SP3: variants seen among roughly 807,000 people sequenced by gnomAD.
The protein encoded by SP3 is Sp3 transcription factor, also known as transcription factor Sp3.
A neutral mutation model predicts 70.3 loss-of-function variants in SP3; 10 were observed. The observed-to-expected ratio is 0.14, with a 90% CI of 0.09 to 0.24. The LOEUF is 0.24. Ranked by LOEUF, SP3 falls within the 10% of genes least tolerant of loss-of-function variation. SP3 has a pLI of 1.00. For synonymous variants in SP3, 402 were observed against 333.5 expected (o/e 1.21, Z -2.24); for missense variants, 825 against 914.6 (o/e 0.90, Z 1.26).
At position 173,913,215 on chromosome 2, in the gene SP3, A is replaced by G; in HGVS notation, c.1884T>C (p.Cys628=). Residue 628 remains cysteine, a synonymous_variant, in exon 6 of 7, where the codon TGT becomes TGC. Transcript: ENST00000310015. ...GTGAGGTCTTCCCATAGACTTTACC[A>G]CATCCTGGTATATGACAAATGTGTT... ...KKQHICHIPG[C]GKVYGKTSHL... The G allele has an allele frequency of 6.2e-7, 1 of 1,610,530 alleles. No individual in the cohort carries two copies. The highest frequency in any genetic ancestry group is 8.5e-7 in the Non-Finnish European group (1 of 1,178,036).
chr2:173,944,716 T>C (rs1690482750), intron 4 of SP3, among the ~76,000 whole-genome samples: 1 of 152,242 alleles, frequency 6.6e-6, no homozygotes, highest in Admixed American at 6.5e-5. Context: ...GAATCCTTAT[T>C]TGCATTATTG....
At chr2:173,962,809 G>A (rs1339358947) in intron 3 of SP3, among the ~76,000 whole-genome samples, 6 of 150,932 alleles carry the variant, frequency 4.0e-5, no homozygotes, top group African/African-American at 1.2e-4. Flanking sequence ...TTTAATAGGT[G>A]AACAAATCTA....
At position 173,907,168 on chromosome 2, in the gene SP3, G is replaced by T. The variant is rs912223387; in HGVS notation, c.*2773C>A. ...ATACTTTCTTAAATTAAAATTTGAG[G>T]TATACAGATAATCGCGTCCACTAAA... On this transcript the variant is annotated 3_prime_UTR_variant, in exon 7 of 7. Transcript: ENST00000310015. The T allele has an allele frequency of 6.6e-6, 1 of 152,026 alleles. No individual in the cohort carries two copies. The highest frequency in any genetic ancestry group is 1.5e-5 in the Non-Finnish European group (1 of 67,994). The allele number at this position is 152,026 out of a possible 1,614,324, so 9.4% of individuals were successfully genotyped here. A position where few individuals can be genotyped will look rare whatever the true frequency, so the allele number is the denominator to read the frequency against.
At position 173,902,809 on chromosome 2, in the gene SP3, T is replaced by C. The variant is rs1689214396; in HGVS notation, c.*7132A>G. Among the ~76,000 whole-genome samples, 1 of 152,168 alleles carries C rather than the reference T, an allele frequency of 6.6e-6. No individual in the cohort carries two copies. The highest frequency in any genetic ancestry group is 2.1e-4 in the South Asian group (1 of 4,830). On this transcript the variant is annotated 3_prime_UTR_variant, in exon 7 of 7. Transcript: ENST00000310015. The stretch of plus-strand genomic sequence containing the variant: ...GGATATAAAACCACTCATGGTATCA[T>C]TCTGATAAACATCAAATTCAGAGCT...
At chr2:173,929,690 C>G (rs1690018336) in intron 4 of SP3, among the ~76,000 whole-genome samples, 1 of 152,172 alleles carries the variant, frequency 6.6e-6, no homozygotes, top group Admixed American at 6.5e-5. Context: ...CTCTGTGCCT[C>G]TAGGTTCTGC....
intron 4 of SP3, among the ~76,000 whole-genome samples, chr2:173,947,146 C>T (rs950035279): frequency 1.3e-5 from 2 of 152,170 alleles, no homozygotes; most frequent in Non-Finnish European, 2.9e-5. Flanking sequence ...TACTTATCAA[C>T]ATACTTGAAA....
chr2:173,955,244 C>G lies in SP3; in HGVS notation c.1268G>C (p.Gly423Ala). The change falls in exon 4 of 7, where the codon GGT (glycine) becomes GCT (alanine). Residue 423 changes from glycine to alanine, a missense_variant. By Grantham distance (60) the Gly-to-Ala change is moderately conservative (BLOSUM62 0). Coordinates refer to ENST00000310015, the MANE Select transcript of SP3 (RefSeq NM_003111.5). Reference sequence around the variant, plus strand: ...TATATTTTGACCACTGGCTTGCACACCATGGATTGTCTGTGGTGTAATACC... The same window carrying G: ...TATATTTTGACCACTGGCTTGCACAGCATGGATTGTCTGTGGTGTAATACC... ...VQGITPQTIH[G>A]VQASGQNISQ... 1 of 1,614,140 alleles carries G rather than the reference C, an allele frequency of 6.2e-7. No homozygotes were observed. Among genetic ancestry groups the G allele is most frequent in the Non-Finnish European group, 8.5e-7 (1 of 1,180,036 alleles).
chr2:173,912,504 C>A (rs1212785501), intron 6 of SP3, among the ~76,000 whole-genome samples: 1 of 152,212 alleles, frequency 6.6e-6, no homozygotes, highest in Non-Finnish European at 1.5e-5. Flanking sequence ...TAAGTTAACA[C>A]TGTTAGGTTT....
chr2:173,946,598 T>C (rs2105488618), intron 4 of SP3, among the ~76,000 whole-genome samples: 1 of 152,274 alleles, frequency 6.6e-6, no homozygotes, highest in Admixed American at 6.5e-5. Flanking sequence ...TTCACTAAAC[T>C]CTGAATCTTG....
Position 173,905,163 on chromosome 2 carries a change from ACTT to A in SP3, c.*4775_*4777del, listed in dbSNP as rs1387718690. ...TTCACATTTTTGCATTAGAAATAAGACTTCTTCTCATTTTGGAAAAATCAATGT... is the reference window on the plus strand; with the variant it reads ...TTCACATTTTTGCATTAGAAATAAGACTTCTCATTTTGGAAAAATCAATGT... On this transcript the variant is annotated 3_prime_UTR_variant, in exon 7 of 7. Transcript: ENST00000310015. Among the ~76,000 whole-genome samples the A allele has an allele frequency of 3.3e-5, 5 of 152,196 alleles. No individual in the cohort carries two copies. The highest frequency in any genetic ancestry group is 7.2e-5 in the African/African-American group (3 of 41,438).
chr2:173,965,454 C>T (rs1691264913), upstream of SP3: 1 of 408,800 alleles, frequency 2.4e-6, no homozygotes, highest in Non-Finnish European at 4.4e-6. Context: ...TTGGTCCAGG[C>T]GCCTGTCCGT....
intron 3 of SP3, among the ~76,000 whole-genome samples, chr2:173,960,077 G>A (rs1320611562): frequency 6.6e-6 from 1 of 152,196 alleles, no homozygotes; most frequent in African/African-American, 2.4e-5. Flanking sequence ...GGCTGAGGTG[G>A]GAGGATCAAC....
chr2:173,916,370 G>C (rs1197178404), intron 5 of SP3: 2 of 151,984 alleles, frequency 1.3e-5, no homozygotes, highest in East Asian at 3.8e-4. Context: ...TAAAATGTTT[G>C]CAAGGTGTAA....
intron 4 of SP3, among the ~76,000 whole-genome samples, chr2:173,937,036 A>T (rs1404752638): frequency 6.6e-6 from 1 of 152,190 alleles, no homozygotes. Context: ...TACTCCATGT[A>T]TCTATCTTAA....
At chr2:173,941,048 C>T (rs1165840547) in intron 4 of SP3, among the ~76,000 whole-genome samples, 1 of 149,672 alleles carries the variant, frequency 6.7e-6, no homozygotes, top group Non-Finnish European at 1.5e-5. Context: ...TAATTTGTGG[C>T]GAGATTCTTA....
chr2:173,965,388 T>G (rs1691262868), upstream of SP3: 8 of 576,218 alleles, frequency 1.4e-5, no homozygotes, highest in Admixed American at 9.8e-5. Flanking sequence ...CGCCCGGAAC[T>G]CCCGCCCCTC....
chr2:173,945,245 T>C (rs1049216463), intron 4 of SP3, among the ~76,000 whole-genome samples: 3 of 152,198 alleles, frequency 2.0e-5, no homozygotes, highest in Non-Finnish European at 4.4e-5. Flanking sequence ...CAATGCATTT[T>C]AGATCTTCTA....
chr2:173,921,446 T>A (rs1479194653), intron 4 of SP3, among the ~76,000 whole-genome samples: 1 of 152,184 alleles, frequency 6.6e-6, no homozygotes, highest in Non-Finnish European at 1.5e-5. Context: ...ATCAGCACTT[T>A]GGGAGACCGA....
At chr2:173,956,964 T>C (rs554447652) in intron 3 of SP3, among the ~76,000 whole-genome samples, 166 of 152,210 alleles carry the variant, frequency 1.1e-3, no homozygotes, top group African/African-American at 3.8e-3. Flanking sequence ...TTAATACAAT[T>C]TGAGGGAGAG....
Sources: allele counts gnomAD v4.1 joint callset (sites outside exome capture counted in the v4.1 genomes callset), GRCh38; gene constraint gnomAD v4.1.1; transcripts MANE v1.5; gene names NCBI Gene and HGNC (gene_info 2026-07-23, HGNC 2026-07-21).